ROBO2: variants seen among roughly 807,000 people sequenced by gnomAD.
The protein encoded by ROBO2 is roundabout guidance receptor 2, also known as roundabout homolog 2.
Under a neutral mutation model 160.8 loss-of-function variants are expected in ROBO2, and 53 were observed. That is an observed-to-expected ratio of 0.33 (90% CI 0.26 to 0.41). The LOEUF is 0.41. ROBO2 is among the 10% of genes least tolerant of loss of function. The pLI is 1.00. For synonymous variants in ROBO2, 664 were observed against 611.7 expected, an observed-to-expected ratio of 1.09 and a Z score of -1.26; for missense variants, 1,577 against 1,722.4, an observed-to-expected ratio of 0.92 and a Z score of 1.49.
At chr3:76,074,747 A>G (rs542563239) in intron 2 of ROBO2, among the ~76,000 whole-genome samples, 30 of 152,358 alleles carry the variant, frequency 2.0e-4, no homozygotes, top group Admixed American at 7.8e-4. Flanking sequence ...ATAAAGGCAG[A>G]TAGCCCACAT....
intron 2 of ROBO2, among the ~76,000 whole-genome samples, chr3:76,157,484 G>A (rs2072454063): frequency 6.6e-6 from 1 of 152,168 alleles, no homozygotes; most frequent in African/African-American, 2.4e-5. Context: ...AGAATTGATT[G>A]CAATTCTCAT....
chr3:77,549,079 G>A (rs1236225062), intron 7 of ROBO2, among the ~76,000 whole-genome samples: 1 of 151,786 alleles, frequency 6.6e-6, no homozygotes, highest in African/African-American at 2.4e-5. Context: ...TCTCCAAGGC[G>A]GGAAGAGCTG....
intron 2 of ROBO2, among the ~76,000 whole-genome samples, chr3:77,254,694 G>A (rs936672344): frequency 3.3e-5 from 5 of 152,080 alleles, no homozygotes; most frequent in African/African-American, 1.2e-4. Context: ...AAGTTAAAGC[G>A]ATTCTGATAT....
At chr3:77,118,238 G>T (rs1022614474) in intron 2 of ROBO2, among the ~76,000 whole-genome samples, 3 of 152,122 alleles carry the variant, frequency 2.0e-5, no homozygotes, top group African/African-American at 2.4e-5. Context: ...CTCAGAGCTG[G>T]CTTGGAAAAT....
intron 2 of ROBO2, among the ~76,000 whole-genome samples, chr3:77,000,777 A>T (rs890954795): frequency 6.6e-6 from 1 of 152,228 alleles, no homozygotes. Context: ...GTAGAAATGC[A>T]TATATAAACT....
intron 2 of ROBO2, among the ~76,000 whole-genome samples, chr3:76,375,880 G>T (rs1259426909): frequency 1.3e-5 from 2 of 151,994 alleles, no homozygotes; most frequent in African/African-American, 4.8e-5. Flanking sequence ...TGATTCATGT[G>T]CAAACATTTT....
intron 2 of ROBO2, among the ~76,000 whole-genome samples, chr3:76,604,667 T>A (rs1365982318): frequency 6.6e-6 from 1 of 152,174 alleles, no homozygotes; most frequent in African/African-American, 2.4e-5. Context: ...TAGTTAATTG[T>A]TATTGTAGTT....
intron 2 of ROBO2, among the ~76,000 whole-genome samples, chr3:76,256,192 C>A (rs930900527): frequency 4.6e-5 from 7 of 151,890 alleles, no homozygotes; most frequent in Non-Finnish European, 7.4e-5. Flanking sequence ...CACTTGTAGT[C>A]CCAGCTGCTA....
At chr3:76,692,648 C>G (rs1276637093) in intron 2 of ROBO2, among the ~76,000 whole-genome samples, 1 of 151,996 alleles carries the variant, frequency 6.6e-6, no homozygotes, top group African/African-American at 2.4e-5. Flanking sequence ...TGGCAATACC[C>G]TTTTCTTCTT....
At chr3:76,982,831 C>A (rs991090823) in intron 2 of ROBO2, among the ~76,000 whole-genome samples, 1 of 152,130 alleles carries the variant, frequency 6.6e-6, no homozygotes, top group Non-Finnish European at 1.5e-5. Flanking sequence ...TGTTTCATTT[C>A]ACCATGCTTC....
chr3:76,063,164 T>C (rs114486829), intron 2 of ROBO2, among the ~76,000 whole-genome samples: 89 of 152,266 alleles, frequency 5.8e-4, no homozygotes, highest in Non-Finnish European at 9.0e-4. Context: ...AAAGAGGGAA[T>C]GAGTCACCGT....
chr3:77,501,910 G>A (rs540239777), intron 5 of ROBO2, among the ~76,000 whole-genome samples: 7 of 151,950 alleles, frequency 4.6e-5, no homozygotes, highest in Admixed American at 1.3e-4. Context: ...TTAAAAAGCC[G>A]GTACTGATTC....
rs2063940669 is a variant in ROBO2 at position 77,040,079 on chromosome 3, C to G, written c.-707C>G. 1 of 943,984 alleles carries G rather than the reference C, an allele frequency of 1.1e-6. No individual in the cohort carries two copies. Among genetic ancestry groups the G allele is most frequent in the Admixed American group, 6.2e-5 (1 of 16,168 alleles). 58.5% of individuals were successfully genotyped at this position (943,984 alleles called of 1,614,324 possible). On this transcript the variant is annotated 5_prime_UTR_variant, in exon 1 of 26. Coordinates refer to ENST00000461745, the Ensembl canonical transcript of ROBO2. ...CCCTCCCTCCCTCCCTCCCTCGCTC[C>G]TTCCCTGCCTCCCTCACCACGTAGG... is the stretch of plus-strand genomic sequence containing the variant.
At chr3:76,114,543 A>G (rs936171336) in intron 2 of ROBO2, among the ~76,000 whole-genome samples, 7 of 152,130 alleles carry the variant, frequency 4.6e-5, no homozygotes, top group African/African-American at 1.4e-4. Flanking sequence ...CATGTACTTT[A>G]CAGAAGGCCC....
intron 2 of ROBO2, among the ~76,000 whole-genome samples, chr3:76,740,310 C>T (rs1276735358): frequency 1.3e-5 from 2 of 152,110 alleles, no homozygotes; most frequent in African/African-American, 2.4e-5. Flanking sequence ...CCTTTTCTAT[C>T]ACAAATCTGG....
At chr3:75,922,450 A>G (rs1239466435) in intron 1 of ROBO2, among the ~76,000 whole-genome samples, 1 of 152,148 alleles carries the variant, frequency 6.6e-6, no homozygotes, top group Non-Finnish European at 1.5e-5. Context: ...GAATATGTGT[A>G]AAAAGCAAAT....
intron 2 of ROBO2, among the ~76,000 whole-genome samples, chr3:76,717,464 C>T (rs1171041186): frequency 2.0e-5 from 3 of 147,804 alleles, no homozygotes; most frequent in African/African-American, 7.5e-5. Flanking sequence ...GCACTCCACC[C>T]TGGGCGACAG....
At chr3:76,098,618 GA>G (rs2069552832) in intron 2 of ROBO2, among the ~76,000 whole-genome samples, 1 of 31,346 alleles carries the variant, frequency 3.2e-5, no homozygotes, top group Non-Finnish European at 8.1e-5. Flanking sequence ...TATATTGTTT[GA>G]TTGATATATA....
At chr3:77,315,562 A>T (rs114169752) in intron 2 of ROBO2, among the ~76,000 whole-genome samples, 1 of 152,210 alleles carries the variant, frequency 6.6e-6, no homozygotes, top group South Asian at 2.1e-4. Flanking sequence ...TTTCACTCAC[A>T]TTTTTTAAAA....
Sources: gnomAD v4.1 joint callset for allele counts (sites outside exome capture counted in the v4.1 genomes callset) on GRCh38, gnomAD v4.1.1 for gene constraint, MANE v1.5 for transcripts, NCBI Gene and HGNC (gene_info 2026-07-23, HGNC 2026-07-21) for gene names.